The following ADGRB3 variants were observed in gnomAD, a reference collection of about 807,000 sequenced individuals.
ADGRB3 encodes the protein brain-specific angiogenesis inhibitor 3.
Under a neutral mutation model 193.4 loss-of-function variants are expected in ADGRB3, and 37 were observed. The observed-to-expected ratio is 0.19, with a 90% CI of 0.15 to 0.25. The LOEUF is 0.25. Ranked by LOEUF, ADGRB3 falls within the 10% of genes least tolerant of loss-of-function variation. The pLI is 1.00. For missense variants in ADGRB3, 1,637 were observed against 1,852.9 expected, an observed-to-expected ratio of 0.88 and a Z score of 2.14; for synonymous variants, 690 against 644.2, an observed-to-expected ratio of 1.07 and a Z score of -1.08.
intron 13 of ADGRB3, among the ~76,000 whole-genome samples, chr6:69,040,309 CTT>C (rs1445274677): frequency 3.0e-4 from 8 of 26,924 alleles, no homozygotes; most frequent in Non-Finnish European, 1.4e-4. Flanking sequence ...TTCTCTGTCT[CTT>C]TCTTTCTTTC....
intron 1 of ADGRB3, among the ~76,000 whole-genome samples, chr6:68,637,151 A>G (rs546722676): frequency 1.3e-5 from 2 of 152,192 alleles, no homozygotes; most frequent in Admixed American, 6.5e-5. Context: ...AACTGCTGCT[A>G]TATAGAGATT....
intron 3 of ADGRB3, among the ~76,000 whole-genome samples, chr6:68,708,655 G>A (rs552379230): frequency 2.3e-3 from 350 of 152,266 alleles, no homozygotes; most frequent in Middle Eastern, 0.017. Context: ...AACCACTGAC[G>A]TCTGTGCTAA....
intron 17 of ADGRB3, among the ~76,000 whole-genome samples, chr6:69,119,921 C>T (rs1011396089): frequency 1.3e-5 from 2 of 152,056 alleles, no homozygotes; most frequent in Non-Finnish European, 2.9e-5. Context: ...TATTTAGAAG[C>T]AGAGAGGCCA....
chr6:68,936,458 A>C (rs747906826), intron 4 of ADGRB3, 61 bp from the exon 5 acceptor site: 61 of 1,514,958 alleles, frequency 4.0e-5, no homozygotes, highest in African/African-American at 5.5e-5. Flanking sequence ...AGTTTGGTAT[A>C]ATGCTTACTA....
chr6:69,188,303 G>C (rs531611176), intron 17 of ADGRB3, among the ~76,000 whole-genome samples: 37 of 151,982 alleles, frequency 2.4e-4, no homozygotes, highest in Middle Eastern at 6.8e-3. Context: ...CTCCATCCTG[G>C]AATTTCTTTT....
chr6:69,296,650 C>G (rs1401830562), intron 20 of ADGRB3, among the ~76,000 whole-genome samples: 1 of 152,114 alleles, frequency 6.6e-6, no homozygotes, highest in African/African-American at 2.4e-5. Flanking sequence ...TGGCCATTCT[C>G]TTAGTAATAA....
intron 3 of ADGRB3, among the ~76,000 whole-genome samples, chr6:68,812,881 G>C (rs369835359): frequency 6.7e-6 from 1 of 149,166 alleles, no homozygotes; most frequent in Non-Finnish European, 1.5e-5. Context: ...GTGTCCATGT[G>C]TTCTCATTGT....
At chr6:69,172,317 C>T (rs1010506347) in intron 17 of ADGRB3, among the ~76,000 whole-genome samples, 7 of 152,066 alleles carry the variant, frequency 4.6e-5, no homozygotes, top group Admixed American at 1.3e-4. Context: ...TATCGGGAGA[C>T]ATCTCTCCTA....
At chr6:69,034,262 CCT>C (rs1440010182) in intron 13 of ADGRB3, among the ~76,000 whole-genome samples, 1 of 151,674 alleles carries the variant, frequency 6.6e-6, no homozygotes, top group Non-Finnish European at 1.5e-5. Flanking sequence ...AAATTAATTC[CCT>C]GATTGTTTGT....
intron 17 of ADGRB3, among the ~76,000 whole-genome samples, chr6:69,095,422 G>T (rs1195011039): frequency 2.0e-5 from 3 of 151,998 alleles, no homozygotes; most frequent in African/African-American, 7.3e-5. Context: ...GGCATGGCTG[G>T]CAGTGGCTTA....
chr6:68,868,220 T>C (rs1020986243), intron 3 of ADGRB3, among the ~76,000 whole-genome samples: 1 of 152,208 alleles, frequency 6.6e-6, no homozygotes, highest in African/African-American at 2.4e-5. Context: ...TATGCAGTTC[T>C]GGTGAGAGTG....
intron 17 of ADGRB3, among the ~76,000 whole-genome samples, chr6:69,142,817 C>T (rs531061149): frequency 6.6e-6 from 1 of 152,246 alleles, no homozygotes; most frequent in African/African-American, 2.4e-5. Flanking sequence ...CAGTAGGTCT[C>T]TTCGTATGGG....
chr6:68,870,258 A>G (rs921261215), intron 3 of ADGRB3, among the ~76,000 whole-genome samples: 2 of 152,206 alleles, frequency 1.3e-5, no homozygotes, highest in African/African-American at 4.8e-5. Flanking sequence ...GACTCTGAAA[A>G]AATTCTTAGA....
intron 16 of ADGRB3, among the ~76,000 whole-genome samples, chr6:69,067,452 G>A (rs1006416712): frequency 6.6e-6 from 1 of 152,098 alleles, no homozygotes; most frequent in African/African-American, 2.4e-5. Context: ...GAATATGCTT[G>A]TTATCATTAG....
chr6:69,130,132 A>T (rs1296312300), intron 17 of ADGRB3, among the ~76,000 whole-genome samples: 1 of 152,052 alleles, frequency 6.6e-6, no homozygotes, highest in African/African-American at 2.4e-5. Flanking sequence ...AGTGAGGGCT[A>T]CTTTCCTGAT....
chr6:68,956,894 G>A (rs772171546), intron 8 of ADGRB3, 85 bp downstream of exon 8: 11 of 1,453,726 alleles, frequency 7.6e-6, no homozygotes, highest in Non-Finnish European at 1.0e-5. Flanking sequence ...TTGGTTAAGG[G>A]TCATATTCCT....
At chr6:69,120,470 A>C (rs1289803762) in intron 17 of ADGRB3, among the ~76,000 whole-genome samples, 1 of 152,224 alleles carries the variant, frequency 6.6e-6, no homozygotes, top group African/African-American at 2.4e-5. Flanking sequence ...TGGGAACATC[A>C]TGTGTTTGGA....
chr6:68,709,864 A>C (rs1765381574), intron 3 of ADGRB3, among the ~76,000 whole-genome samples: 1 of 152,176 alleles, frequency 6.6e-6, no homozygotes, highest in African/African-American at 2.4e-5. Context: ...TTGGTGAAAT[A>C]ATTACGTGCT....
In ADGRB3 at chr6:69,029,297, G is replaced by C. The variant is rs577133742; in HGVS notation, c.2107+10798G>C. ...TATTTGAAAATTTGAAACTTTTTTT[G>C]GCTAATTACACAAGTTATGCTTTCA... On this transcript the variant is annotated intron_variant, in intron 13 of 31. Coordinates refer to ENST00000370598, the MANE Select transcript of ADGRB3 (RefSeq NM_001704.3). Among the ~76,000 whole-genome samples the C allele has an allele frequency of 4.6e-5, 7 of 151,728 alleles. No individual in the cohort carries two copies. The South Asian group carries it at 1.5e-3, about 32-fold the overall frequency.
Sources: gnomAD v4.1 joint callset for allele counts (sites outside exome capture counted in the v4.1 genomes callset) on GRCh38, gnomAD v4.1.1 for gene constraint, MANE v1.5 for transcripts, NCBI Gene and HGNC (gene_info 2026-07-23, HGNC 2026-07-21) for gene names.